The following GRIN2A variants were observed in gnomAD, a reference collection of about 807,000 sequenced individuals.
The protein encoded by GRIN2A is glutamate ionotropic receptor NMDA type subunit 2A.
A neutral mutation model predicts 113.4 loss-of-function variants in GRIN2A; 22 were observed. That is an observed-to-expected ratio of 0.19 (90% CI 0.14 to 0.28). The LOEUF is 0.28. GRIN2A is among the 10% of genes least tolerant of loss of function. The pLI, the probability that GRIN2A is intolerant of heterozygous loss-of-function variation, is 1.00. For synonymous variants in GRIN2A, 827 were observed against 738.4 expected (o/e 1.12, Z -1.94); for missense variants, 1,502 against 1,887.0 (o/e 0.80, Z 3.78).
intron 2 of GRIN2A, among the ~76,000 whole-genome samples, chr16:9,942,709 C>A (rs538975068): frequency 1.7e-4 from 26 of 152,232 alleles, no homozygotes; most frequent in Admixed American, 4.6e-4. Flanking sequence ...CATTCTGAGC[C>A]CAAGGAGCCT....
intron 4 of GRIN2A, among the ~76,000 whole-genome samples, chr16:9,852,155 G>A (rs2042894647): frequency 6.6e-6 from 1 of 152,126 alleles, no homozygotes; most frequent in African/African-American, 2.4e-5. Flanking sequence ...CGTAGTTCAG[G>A]AAACTGAAAC....
At chr16:10,050,607 G>C (rs2141983386) in intron 2 of GRIN2A, among the ~76,000 whole-genome samples, 1 of 151,658 alleles carries the variant, frequency 6.6e-6, no homozygotes, top group Non-Finnish European at 1.5e-5. Context: ...CAAGTTCAGG[G>C]CTCCCACTGA....
chr16:10,024,218 G>A (rs868571117), intron 2 of GRIN2A, among the ~76,000 whole-genome samples: 2 of 147,872 alleles, frequency 1.4e-5, no homozygotes, highest in African/African-American at 5.2e-5. Context: ...TTAATGGTAT[G>A]CATGTTTGTT....
intron 11 of GRIN2A, among the ~76,000 whole-genome samples, chr16:9,784,653 A>C (rs1902121076): frequency 6.6e-6 from 1 of 152,112 alleles, no homozygotes; most frequent in Admixed American, 6.5e-5. Context: ...GTGAACGGGC[A>C]ACCTACAGAA....
At chr16:9,851,771 A>G (rs56280857) in intron 4 of GRIN2A, among the ~76,000 whole-genome samples, 4,623 of 152,266 alleles carry the variant, frequency 0.03, 70 homozygotes, top group East Asian at 0.055. Flanking sequence ...TCTGAGCTTC[A>G]CTTTCTCCAT....
chr16:9,857,740 T>A (rs1419114751), intron 4 of GRIN2A, among the ~76,000 whole-genome samples: 1 of 152,238 alleles, frequency 6.6e-6, no homozygotes, highest in Non-Finnish European at 1.5e-5. Context: ...GAATGCCCAA[T>A]GCTATGTGCT....
At chr16:9,897,545 C>T (rs1053940651) in intron 3 of GRIN2A, among the ~76,000 whole-genome samples, 1 of 152,046 alleles carries the variant, frequency 6.6e-6, no homozygotes, top group Admixed American at 6.6e-5. Context: ...TTGAAATGTG[C>T]CATCCATGTA....
intron 10 of GRIN2A, among the ~76,000 whole-genome samples, chr16:9,815,585 C>T (rs1567319012): frequency 6.6e-6 from 1 of 152,160 alleles, no homozygotes; most frequent in Non-Finnish European, 1.5e-5. Flanking sequence ...GATACCACCT[C>T]ATACCCAGTG....
chr16:9,866,858 A>T (rs543278428), intron 4 of GRIN2A, among the ~76,000 whole-genome samples: 1 of 152,082 alleles, frequency 6.6e-6, no homozygotes, highest in Non-Finnish European at 1.5e-5. Flanking sequence ...TAAATTTAGA[A>T]CCTCCAGTCC....
chr16:9,959,711 C>G (rs188716068), intron 2 of GRIN2A, among the ~76,000 whole-genome samples: 117 of 152,312 alleles, frequency 7.7e-4, no homozygotes, highest in African/African-American at 2.7e-3. Context: ...TGGCGGCTCA[C>G]GCCTGTAATC....
At position 9,917,014 on chromosome 16, in the gene GRIN2A, G is replaced by A. The variant is rs2044266528; in HGVS notation, c.1007+20945C>T. ...AAAGACCCGAAACTGAGTCTACCAT[G>A]AGAATAAGTGTTTTTATTACCTTAT... On this transcript the variant is annotated intron_variant, in intron 3 of 12. Coordinates refer to ENST00000330684, the MANE Select transcript of GRIN2A (RefSeq NM_001134407.3). Among the ~76,000 whole-genome samples, 5 of 152,330 alleles carry A rather than the reference G, an allele frequency of 3.3e-5. No individual in the cohort carries two copies. In the South Asian group the frequency reaches 8.3e-4, roughly 25 times the overall value.
rs1399998162 is a variant in GRIN2A at position 9,764,719 on chromosome 16, A to C, written c.2825T>G (p.Met942Arg). ...MDMVSDKGNLMYSDNRSFQGK... is the reference protein window; with the variant it reads ...MDMVSDKGNLRYSDNRSFQGK... ...CTGAAAGGACCTGTTGTCTGAGTAC[A>C]TCAAATTCCCCTTATCTGAAACCAT... The change falls in exon 13 of 13, where the codon ATG (methionine) becomes AGG (arginine). Residue 942 changes from methionine to arginine, a missense_variant. Met to Arg is a moderately conservative substitution (Grantham distance 91). Coordinates refer to ENST00000330684, the MANE Select transcript of GRIN2A (RefSeq NM_001134407.3). 1.9e-6 allele frequency: 3 copies of C among 1,614,242 alleles called. No homozygotes were observed. Among genetic ancestry groups the C allele is most frequent in the Non-Finnish European group, 2.5e-6 (3 of 1,180,036 alleles).
At chr16:10,023,234 C>G (rs1209711313) in intron 2 of GRIN2A, among the ~76,000 whole-genome samples, 1 of 152,186 alleles carries the variant, frequency 6.6e-6, no homozygotes, top group East Asian at 1.9e-4. Context: ...CATTCCCAAG[C>G]TAGAGAACGA....
chr16:9,936,692 A>C (rs1400541975), intron 3 of GRIN2A, among the ~76,000 whole-genome samples: 1 of 152,246 alleles, frequency 6.6e-6, no homozygotes, highest in Non-Finnish European at 1.5e-5. Flanking sequence ...ATACATTCAC[A>C]TAATGGAATA....
At position 9,759,334 on chromosome 16, in the gene GRIN2A, T is replaced by G. The variant is rs993128957; in HGVS notation, c.*3815A>C. 7.6e-5 allele frequency: 17 copies of G among 223,266 alleles called. No individual in the cohort carries two copies. The East Asian group carries it at 1.1e-3, about 15-fold the overall frequency. 13.8% of individuals were successfully genotyped at this position (223,266 alleles called of 1,614,324 possible). A position where few individuals can be genotyped will look rare whatever the true frequency, so the allele number is the denominator to read the frequency against. ...TTTCATTAGCAATTCTATTTGCAAATAATTCAGGGCATTTGTCATTTCCTG... is the reference window on the plus strand; with the variant it reads ...TTTCATTAGCAATTCTATTTGCAAAGAATTCAGGGCATTTGTCATTTCCTG... On this transcript the variant is annotated 3_prime_UTR_variant, in exon 13 of 13. Coordinates refer to ENST00000330684, the MANE Select transcript of GRIN2A (RefSeq NM_001134407.3).
At chr16:9,925,763 G>A (rs1237393713) in intron 3 of GRIN2A, among the ~76,000 whole-genome samples, 2 of 152,010 alleles carry the variant, frequency 1.3e-5, no homozygotes, top group East Asian at 3.8e-4. Context: ...GTCCATCTTG[G>A]TCTGAAGTAG....
In GRIN2A at chr16:9,869,283, A is replaced by T. The variant is rs372760524; in HGVS notation, c.1123-19322T>A. 7.9e-5 allele frequency among the ~76,000 whole-genome samples: 12 copies of T among 152,152 alleles called. No homozygotes were observed. In the East Asian group the frequency reaches 2.1e-3, roughly 27 times the overall value. ...CTCTGTCTCTACTAAAAATACAAAA[A>T]TTAGCTGAGTGTGGTGGTACATGCC... is the stretch of plus-strand genomic sequence containing the variant. On this transcript the variant is annotated intron_variant, in intron 4 of 12. Transcript: ENST00000330684.
chr16:10,093,881 A>T (rs991378513), intron 2 of GRIN2A, among the ~76,000 whole-genome samples: 4 of 152,170 alleles, frequency 2.6e-5, no homozygotes, highest in Non-Finnish European at 5.9e-5. Context: ...ATTGTCTGGG[A>T]AACTCTGCCC....
intron 4 of GRIN2A, among the ~76,000 whole-genome samples, chr16:9,850,851 A>G (rs2042870973): frequency 6.6e-6 from 1 of 152,116 alleles, no homozygotes; most frequent in South Asian, 2.1e-4. Context: ...TTGAACCTTA[A>G]TTTTATTTGA....
Sources: gnomAD v4.1 joint callset for allele counts (sites outside exome capture counted in the v4.1 genomes callset) on GRCh38, gnomAD v4.1.1 for gene constraint, MANE v1.5 for transcripts, NCBI Gene and HGNC (gene_info 2026-07-23, HGNC 2026-07-21) for gene names.